The following STIMATE variants were observed in gnomAD, a reference collection of about 807,000 sequenced individuals.
STIMATE encodes the protein STIM activating enhancer, also known as store-operated calcium entry regulator STIMATE.
Under a neutral mutation model 36.7 loss-of-function variants are expected in STIMATE, and 15 were observed. That is an observed-to-expected ratio of 0.41 (90% confidence interval 0.27 to 0.63). The LOEUF (loss-of-function observed/expected upper bound fraction) is 0.63. Among genes scored for constraint, STIMATE ranks in the 20% least tolerant of loss-of-function variants. The pLI, the probability that STIMATE is intolerant of heterozygous loss-of-function variation, is 0.32. For missense variants in STIMATE, 305 were observed against 397.3 expected, an observed-to-expected ratio of 0.77 and a Z score of 1.98; for synonymous variants, 163 against 162.3, an observed-to-expected ratio of 1.00 and a Z score of -0.03.
intron 1 of STIMATE, chr3:52,895,755 A>G (rs772928095): frequency 2.3e-5 from 12 of 532,164 alleles, no homozygotes; most frequent in Non-Finnish European, 3.6e-5. Context: ...GGAAACAGCC[A>G]GAGCTAGGCT....
At position 52,840,478 on chromosome 3, in the gene STIMATE, C is replaced by G; in HGVS notation, c.*16G>C. 1.2e-6 allele frequency: 2 copies of G among 1,613,190 alleles called. No homozygotes were observed. The highest frequency in any genetic ancestry group is 1.7e-6 in the Non-Finnish European group (2 of 1,179,416). ...GGCTGGCGGGGCCCTCCCGTCACCC[C>G]CAGCATGGGAATGTGTCATACGGGT... is the stretch of plus-strand genomic sequence containing the variant. On this transcript the variant is annotated 3_prime_UTR_variant, in exon 8 of 8. Transcript: ENST00000355083.
intron 1 of STIMATE, chr3:52,895,999 G>C (rs1211122135): frequency 4.0e-6 from 5 of 1,260,174 alleles, no homozygotes; most frequent in Non-Finnish European, 5.2e-6. Context: ...AAAAAGCAAG[G>C]CAAGTTGGGA....
intron 1 of STIMATE, among the ~76,000 whole-genome samples, chr3:52,856,564 G>C (rs1171696848): frequency 6.6e-6 from 1 of 152,078 alleles, no homozygotes; most frequent in Non-Finnish European, 1.5e-5. Context: ...CACACCTCTG[G>C]TTCTAGCTAC....
chr3:52,885,595 T>C (rs1701677662), intron 1 of STIMATE, among the ~76,000 whole-genome samples: 1 of 152,220 alleles, frequency 6.6e-6, no homozygotes, highest in African/African-American at 2.4e-5. Flanking sequence ...ATTTGCTTCT[T>C]GAGTTTCACC....
intron 1 of STIMATE, among the ~76,000 whole-genome samples, chr3:52,861,420 C>A (rs116371507): frequency 2.0e-5 from 3 of 152,340 alleles, no homozygotes; most frequent in Admixed American, 6.5e-5. Flanking sequence ...GTCCTGAAGA[C>A]AGGCATGGGT....
chr3:52,890,719 A>T (rs1701769832), intron 1 of STIMATE, among the ~76,000 whole-genome samples: 1 of 152,280 alleles, frequency 6.6e-6, no homozygotes, highest in African/African-American at 2.4e-5. Context: ...GGTAAACCTC[A>T]AGATTATTAA....
chr3:52,869,594 C>G (rs1197874257), intron 1 of STIMATE, among the ~76,000 whole-genome samples: 2 of 152,238 alleles, frequency 1.3e-5, no homozygotes, highest in Non-Finnish European at 2.9e-5. Context: ...GACAACACTT[C>G]ATATGCAATA....
intron 1 of STIMATE, among the ~76,000 whole-genome samples, chr3:52,888,546 A>G (rs1488694977): frequency 6.6e-6 from 1 of 152,200 alleles, no homozygotes; most frequent in Non-Finnish European, 1.5e-5. Context: ...AACTATTCCT[A>G]TAGGACAGTG....
At chr3:52,895,545 T>C (rs949773831) in intron 1 of STIMATE, among the ~76,000 whole-genome samples, 1 of 152,192 alleles carries the variant, frequency 6.6e-6, no homozygotes, top group African/African-American at 2.4e-5. Context: ...CCAACCACAG[T>C]GGGATTTGCA....
intron 4 of STIMATE, among the ~76,000 whole-genome samples, chr3:52,845,878 C>T (rs937255370): frequency 6.9e-6 from 1 of 145,918 alleles, no homozygotes; most frequent in Non-Finnish European, 1.5e-5. Flanking sequence ...GAAGTTCTGC[C>T]AGAGCTGCCT....
intron 2 of STIMATE, among the ~76,000 whole-genome samples, chr3:52,853,522 G>A (rs1334644940): frequency 6.6e-6 from 1 of 152,158 alleles, no homozygotes; most frequent in Non-Finnish European, 1.5e-5. Flanking sequence ...GCTGGGCAGG[G>A]TCTCAGGACT....
chr3:52,865,837 A>G (rs942192141), intron 1 of STIMATE, among the ~76,000 whole-genome samples: 3 of 152,132 alleles, frequency 2.0e-5, no homozygotes, highest in African/African-American at 7.2e-5. Flanking sequence ...AAGACCTTAC[A>G]TATCCTTTCA....
At chr3:52,879,430 G>A (rs1701565832) in intron 1 of STIMATE, among the ~76,000 whole-genome samples, 1 of 152,204 alleles carries the variant, frequency 6.6e-6, no homozygotes, top group African/African-American at 2.4e-5. Flanking sequence ...GGATACTTCA[G>A]GAGCCTTGAG....
At chr3:52,851,617 C>T (rs2106667176) in intron 3 of STIMATE, among the ~76,000 whole-genome samples, 1 of 151,908 alleles carries the variant, frequency 6.6e-6, no homozygotes, top group Non-Finnish European at 1.5e-5. Context: ...GCAACTGCTT[C>T]CAAGGCAATT....
In STIMATE at chr3:52,840,205, T is replaced by A. The variant is rs1700771629; in HGVS notation, c.*289A>T. The A allele has an allele frequency of 4.7e-6, 1 of 212,652 alleles. No individual in the cohort carries two copies. The highest frequency in any genetic ancestry group is 5.6e-5 in the Admixed American group (1 of 17,714). 13.2% of individuals were successfully genotyped at this position (212,652 alleles called of 1,614,324 possible). A position where few individuals can be genotyped will look rare whatever the true frequency, so the allele number is the denominator to read the frequency against. On this transcript the variant is annotated 3_prime_UTR_variant, in exon 8 of 8. Coordinates refer to ENST00000355083, the MANE Select transcript of STIMATE (RefSeq NM_198563.5). ...CAGGGCCTCAGGTCCCTCACAACAC[T>A]GTCTGGGACGACAACAAACAAACAC...
chr3:52,858,647 T>C (rs1202426717), intron 1 of STIMATE, among the ~76,000 whole-genome samples: 1 of 152,112 alleles, frequency 6.6e-6, no homozygotes, highest in Non-Finnish European at 1.5e-5. Context: ...AAAGGTCAAC[T>C]TGGCAATATC....
intron 1 of STIMATE, among the ~76,000 whole-genome samples, chr3:52,882,828 G>GTCT (rs1436926605): frequency 2.6e-5 from 4 of 152,162 alleles, no homozygotes; most frequent in Non-Finnish European, 5.9e-5. Context: ...GAAGGGCTTA[G>GTCT]GACCTGGCAA....
chr3:52,841,124 T>A (rs1385875915), intron 7 of STIMATE, among the ~76,000 whole-genome samples: 2 of 152,198 alleles, frequency 1.3e-5, no homozygotes, highest in African/African-American at 4.8e-5. Flanking sequence ...AAGCCAGCAC[T>A]GAGTCGACAG....
rs1459467827 is a variant in STIMATE, at chr3:52,842,873, A to G, written c.706T>C (p.Ser236Pro). ...TAGCGGACCTTGCTCCCATTCCTCG[A>G]GTCCTGGTTGGCTCCCCTTTCTTCT... ...KLEERGANQDSRNGSKVRYRR... is the reference protein window; with the variant it reads ...KLEERGANQDPRNGSKVRYRR... The change falls in exon 7 of 8, where the codon TCG becomes CCG. Residue 236 changes from serine to proline, a missense_variant. This residue lies in a region of STIMATE where 84 missense variants were observed against 82.4 expected (regional missense o/e 1.02). Transcript: ENST00000355083. 1.2e-6 allele frequency: 2 copies of G among 1,614,206 alleles called. No individual in the cohort carries two copies. The highest frequency in any genetic ancestry group is 3.3e-5 in the Admixed American group (2 of 60,030).
Sources: allele counts gnomAD v4.1 joint callset (sites outside exome capture counted in the v4.1 genomes callset), GRCh38; gene constraint gnomAD v4.1.1; regional missense constraint gnomAD v4.1.1; transcripts MANE v1.5; gene names NCBI Gene and HGNC (gene_info 2026-07-23, HGNC 2026-07-21).